Variants in MSI2 observed in about 807,000 individuals in gnomAD.
MSI2 encodes the protein RNA-binding protein Musashi homolog 2.
MSI2 carries 17 observed loss-of-function variants against 45.6 expected under a neutral mutation model. The ratio of observed to expected loss-of-function variants is 0.37; its 90% CI spans 0.26 to 0.56. MSI2 has a LOEUF of 0.56. MSI2 is among the 20% of genes least tolerant of loss of function. The probability of loss-of-function intolerance (pLI) is 0.77; values close to 1 mark genes in which losing one functional copy is unlikely to be tolerated. For missense variants in MSI2, 293 were observed against 444.2 expected, an observed-to-expected ratio of 0.66 and a Z score of 3.06; for synonymous variants, 156 against 158.2, an observed-to-expected ratio of 0.99 and a Z score of 0.11.
intron 6 of MSI2, among the ~76,000 whole-genome samples, chr17:57,409,821 A>G (rs2143179340): frequency 6.6e-6 from 1 of 152,190 alleles, no homozygotes; most frequent in Non-Finnish European, 1.5e-5. Flanking sequence ...AGCCTGGCCA[A>G]CATGGTGAAA....
At chr17:57,430,400 C>G (rs2084572768) in intron 6 of MSI2, among the ~76,000 whole-genome samples, 1 of 152,168 alleles carries the variant, frequency 6.6e-6, no homozygotes, top group African/African-American at 2.4e-5. Context: ...AGTGTCCACA[C>G]TGCCCCTGGG....
intron 6 of MSI2, among the ~76,000 whole-genome samples, chr17:57,432,308 G>A (rs1428267186): frequency 3.3e-5 from 5 of 152,196 alleles, no homozygotes; most frequent in African/African-American, 1.2e-4. Flanking sequence ...TGGAGCTGGT[G>A]TCCCTCTTTC....
rs1474490340 is a variant in MSI2 at position 57,652,662 on chromosome 17, G to C, written c.790+501G>C. 1.3e-5 allele frequency among the ~76,000 whole-genome samples: 2 copies of C among 152,198 alleles called. No homozygotes were observed. Among genetic ancestry groups the C allele is most frequent in the Non-Finnish European group, 2.9e-5 (2 of 68,028 alleles). ...GCCATGGGACCAGCCCTGGGCCTCA[G>C]TGAATGAAGCTGCTGTTTCTGGAGC... On this transcript the variant is annotated intron_variant, in intron 11 of 13. Coordinates refer to ENST00000284073, the MANE Select transcript of MSI2 (RefSeq NM_138962.4). This position sits in a 1 kb window ranked among gnomAD's most constrained non-coding sequence, Gnocchi z 4.1.
chr17:57,431,741 T>TAGGCCCCATCAGGGTGGGCCTCATTCC (rs2084598023), intron 6 of MSI2, among the ~76,000 whole-genome samples: 1 of 152,234 alleles, frequency 6.6e-6, no homozygotes, highest in Non-Finnish European at 1.5e-5. Flanking sequence ...GGCAAGAAGA[T>TAGGCCCCATCAGGGTGGGCCTCATTCC]AGGCCCCATC....
At chr17:57,598,518 TGGAG>T (rs1905494230) in intron 8 of MSI2, among the ~76,000 whole-genome samples, 1 of 152,208 alleles carries the variant, frequency 6.6e-6, no homozygotes, top group Non-Finnish European at 1.5e-5. Context: ...TACTGTATGT[TGGAG>T]GCATCAACTC....
chr17:57,517,885 G>A (rs1426797852), intron 6 of MSI2, among the ~76,000 whole-genome samples: 1 of 152,150 alleles, frequency 6.6e-6, no homozygotes, highest in Non-Finnish European at 1.5e-5. Flanking sequence ...GATGGTGGGG[G>A]ATGGGGAGGC....
Position 57,596,597 on chromosome 17 carries a change from G to A in MSI2, c.455-271G>A, listed in dbSNP as rs970798289. ...TCTGACCCTTGTAAATAACAGACAA[G>A]TAAATTTCTTGTTTGCTTCGGGGCA... On this transcript the variant is annotated intron_variant, in intron 7 of 13. Transcript: ENST00000284073. This position sits in a 1 kb window ranked among gnomAD's most constrained non-coding sequence, Gnocchi z 4.6. Among the ~76,000 whole-genome samples the A allele has an allele frequency of 2.0e-5, 3 of 152,226 alleles. No homozygotes were observed. Among genetic ancestry groups the A allele is most frequent in the African/African-American group, 7.2e-5 (3 of 41,454 alleles).
At chr17:57,471,706 C>G (rs556376901) in intron 6 of MSI2, among the ~76,000 whole-genome samples, 1 of 152,060 alleles carries the variant, frequency 6.6e-6, no homozygotes, top group Non-Finnish European at 1.5e-5. Flanking sequence ...CTGTAAGCCC[C>G]CACCCCGCCT....
intron 6 of MSI2, among the ~76,000 whole-genome samples, chr17:57,519,744 C>T (rs1051598397): frequency 2.6e-5 from 4 of 152,158 alleles, no homozygotes; most frequent in Admixed American, 1.3e-4. Context: ...CTGCACAAAG[C>T]TCTTAGGGAT....
At chr17:57,477,201 T>TGTGTG (rs71139999) in intron 6 of MSI2, among the ~76,000 whole-genome samples, 3 of 97,802 alleles carry the variant, frequency 3.1e-5, no homozygotes, top group East Asian at 2.9e-4. Context: ...TGTGTGTGTG[T>TGTGTG]CGGAGGGTGA....
rs373374380 is a variant in MSI2 at position 57,675,105 on chromosome 17, G to A, written c.924G>A (p.Ser308=). ...GTGCGGCCAGCCCACAGCCGGGCTC[G>A]GGCTTCGGCCACGGCATAGCTGTAA... ...YISAASPQPG[S]GFGHGIAGPL... The change falls in exon 12 of 14, where the codon TCG becomes TCA. Residue 308 remains serine, a synonymous_variant. Coordinates refer to ENST00000284073, the MANE Select transcript of MSI2 (RefSeq NM_138962.4). 2.7e-5 allele frequency: 43 copies of A among 1,613,582 alleles called. No individual in the cohort carries two copies. In the East Asian group the frequency reaches 4.5e-4, roughly 17 times the overall value.
At chr17:57,634,442 G>A (rs1448763256) in intron 10 of MSI2, among the ~76,000 whole-genome samples, 1 of 151,558 alleles carries the variant, frequency 6.6e-6, no homozygotes, top group African/African-American at 2.4e-5. Context: ...CTCCAGCCTG[G>A]GTGACAGAGT....
At chr17:57,264,960 A>T (rs1907644956) in intron 5 of MSI2, 1 of 152,210 alleles carries the variant, frequency 6.6e-6, no homozygotes, top group African/African-American at 2.4e-5. Flanking sequence ...ACTGTCTTGT[A>T]TCTTTTGATC....
chr17:57,598,206 A>G (rs771571027), intron 8 of MSI2, among the ~76,000 whole-genome samples: 1 of 152,242 alleles, frequency 6.6e-6, no homozygotes, highest in Admixed American at 6.5e-5. Flanking sequence ...AGGGAGGGCA[A>G]ATCTGTGTTT....
intron 10 of MSI2, among the ~76,000 whole-genome samples, chr17:57,644,223 T>G (rs1487749220): frequency 6.6e-6 from 1 of 151,746 alleles, no homozygotes; most frequent in Non-Finnish European, 1.5e-5. Context: ...TGTTTTTTTT[T>G]TTTTTTTTTT....
intron 10 of MSI2, among the ~76,000 whole-genome samples, chr17:57,635,916 T>C (rs1324355959): frequency 6.6e-6 from 1 of 152,230 alleles, no homozygotes; most frequent in Non-Finnish European, 1.5e-5. Flanking sequence ...CTGTCTGCCA[T>C]GTAGCTTGCC....
chr17:57,675,932 A>G (rs1436953411), intron 12 of MSI2, among the ~76,000 whole-genome samples: 4 of 152,226 alleles, frequency 2.6e-5, no homozygotes, highest in Non-Finnish European at 5.9e-5. Flanking sequence ...TGTGAGCATG[A>G]ATGTGCCTGA....
chr17:57,691,555 A>T, the MSI2 span, among the ~76,000 whole-genome samples: 8 of 152,230 alleles, frequency 5.3e-5, no homozygotes, highest in Admixed American at 5.2e-4. Context: ...TTTTCAGCAT[A>T]TAGAACTTGA....
At chr17:57,537,099 G>A (rs1346764483) in intron 7 of MSI2, among the ~76,000 whole-genome samples, 1 of 152,188 alleles carries the variant, frequency 6.6e-6, no homozygotes, top group Non-Finnish European at 1.5e-5. Context: ...AAAGAGTTCT[G>A]TGTAGCCTCA....
Sources: allele counts gnomAD v4.1 joint callset (sites outside exome capture counted in the v4.1 genomes callset), GRCh38; gene constraint gnomAD v4.1.1; non-coding constraint Gnocchi (gnomAD v3.1); transcripts MANE v1.5; gene names NCBI Gene and HGNC (gene_info 2026-07-23, HGNC 2026-07-21).